Variants in CSNK2A1 observed in about 807,000 individuals in gnomAD.
CSNK2A1 encodes casein kinase 2 alpha 1.
Under a neutral mutation model 62.9 loss-of-function variants are expected in CSNK2A1, and 10 were observed. The ratio of observed to expected loss-of-function variants is 0.16; its 90% CI spans 0.10 to 0.27. CSNK2A1 has a LOEUF of 0.27. Among genes scored for constraint, CSNK2A1 ranks in the 10% least tolerant of loss-of-function variants. CSNK2A1 has a pLI of 1.00. For synonymous variants in CSNK2A1, 124 were observed against 167.8 expected, an observed-to-expected ratio of 0.74 and a Z score of 2.02; for missense variants, 160 against 492.0, an observed-to-expected ratio of 0.33 and a Z score of 6.38.
chr20:516,137 G>A (rs1372526953), intron 2 of CSNK2A1, among the ~76,000 whole-genome samples: 1 of 152,222 alleles, frequency 6.6e-6, no homozygotes, highest in Non-Finnish European at 1.5e-5. Flanking sequence ...CATAATACTA[G>A]TATATCTTAA....
chr20:503,243 C>A, intron 4 of CSNK2A1: 1 of 362,168 alleles, frequency 2.8e-6, no homozygotes. Flanking sequence ...CTTCCAGGCT[C>A]AAGCGATCCT....
At position 541,307 on chromosome 20, in the gene CSNK2A1, A is replaced by C. The variant is rs147453401; in HGVS notation, c.-227+2365T>G. On this transcript the variant is annotated intron_variant, in intron 1 of 13. Coordinates refer to ENST00000217244, the MANE Select transcript of CSNK2A1 (RefSeq NM_177559.3). ...CCAAGTTCCTTTTGCCATGTAACACAGGATAGCTACAGATTCTGGGGATCA... is the reference window on the plus strand; with the variant it reads ...CCAAGTTCCTTTTGCCATGTAACACCGGATAGCTACAGATTCTGGGGATCA... 1.4e-3 allele frequency among the ~76,000 whole-genome samples: 214 copies of C among 152,302 alleles called. 2 individuals carry two copies. Among genetic ancestry groups the C allele is most frequent in the African/African-American group, 5.0e-3 (207 of 41,558 alleles).
chr20:534,075 A>G (rs933063367), intron 1 of CSNK2A1, among the ~76,000 whole-genome samples: 2 of 152,234 alleles, frequency 1.3e-5, no homozygotes, highest in Non-Finnish European at 2.9e-5. Flanking sequence ...TGAATGTAAT[A>G]ACTACTGTTA....
intron 1 of CSNK2A1, among the ~76,000 whole-genome samples, chr20:537,997 T>C (rs2019370936): frequency 6.6e-6 from 1 of 151,260 alleles, no homozygotes; most frequent in African/African-American, 2.4e-5. Flanking sequence ...AGTCTTGCTC[T>C]GTCCCCCAGG....
At chr20:524,317 T>TA (rs2019020392) in intron 2 of CSNK2A1, among the ~76,000 whole-genome samples, 1 of 147,452 alleles carries the variant, frequency 6.8e-6, no homozygotes. Context: ...CAGCTGCTCT[T>TA]AGAGGCTGAG....
chr20:524,404 A>G (rs1235645185), intron 2 of CSNK2A1, among the ~76,000 whole-genome samples: 1 of 149,016 alleles, frequency 6.7e-6, no homozygotes, highest in Admixed American at 6.7e-5. Flanking sequence ...CCTGGGAGAC[A>G]GAGGGAGGCT....
At chr20:517,056 T>G (rs1165603211) in intron 2 of CSNK2A1, among the ~76,000 whole-genome samples, 3 of 152,154 alleles carry the variant, frequency 2.0e-5, no homozygotes, top group Non-Finnish European at 2.9e-5. Context: ...CTGCAGAGAA[T>G]GAACTCTTTT....
At position 478,991 on chromosome 20, in the gene CSNK2A1, T is replaced by C. The variant is rs1454945498; in HGVS notation, c.*4970A>G. The C allele has an allele frequency of 1.3e-5, 2 of 155,972 alleles. No individual in the cohort carries two copies. Among genetic ancestry groups the C allele is most frequent in the East Asian group, 3.8e-4 (2 of 5,214 alleles). The allele number at this position is 155,972 out of a possible 1,614,324, so 9.7% of individuals were successfully genotyped here. On this transcript the variant is annotated 3_prime_UTR_variant, in exon 14 of 14. Coordinates refer to ENST00000217244, the MANE Select transcript of CSNK2A1 (RefSeq NM_177559.3). ...ACAGGGAGACAAATCCAGTTTGTAATTTGCTACAGTGCAAAATATCTGGCT... is the reference window on the plus strand; with the variant it reads ...ACAGGGAGACAAATCCAGTTTGTAACTTGCTACAGTGCAAAATATCTGGCT...
chr20:518,717 T>A (rs76458123), intron 2 of CSNK2A1, among the ~76,000 whole-genome samples: 3 of 135,352 alleles, frequency 2.2e-5, no homozygotes, highest in Non-Finnish European at 3.2e-5. Flanking sequence ...CGGCTAATTT[T>A]TTTTTTTTTT....
At chr20:526,452 T>C (rs1286564744) in intron 2 of CSNK2A1, among the ~76,000 whole-genome samples, 1 of 151,498 alleles carries the variant, frequency 6.6e-6, no homozygotes, top group East Asian at 1.9e-4. Flanking sequence ...CTCAAAAAAA[T>C]TGTTTTTAAT....
intron 6 of CSNK2A1, 198 bp from the exon 7 acceptor site, chr20:497,978 T>G: frequency 1.9e-6 from 1 of 517,930 alleles, no homozygotes; most frequent in Non-Finnish European, 3.5e-6. Flanking sequence ...AAATGAAGAA[T>G]TACTTAAACA....
In CSNK2A1 at chr20:489,943, A is replaced by C. The variant is rs2018181297; in HGVS notation, c.622-62T>G. The C allele has an allele frequency of 2.3e-6, 3 of 1,323,628 alleles. No homozygotes were observed. The Admixed American group carries it at 7.9e-5, about 35-fold the overall frequency. The allele number at this position is 1,323,628 out of a possible 1,614,324, so 82.0% of individuals were successfully genotyped here. ...TCCTCAGGCTTGTCACTTCAAAATA[A>C]AAAATTAATTTTTAAAATTAAAAAA... On this transcript the variant is annotated intron_variant, in intron 9 of 13. Transcript: ENST00000217244.
intron 8 of CSNK2A1, 47 bp from the exon 9 acceptor site, chr20:492,411 C>G: frequency 6.3e-7 from 1 of 1,576,372 alleles, no homozygotes; most frequent in South Asian, 1.1e-5. Context: ...TCTAAGCTAC[C>G]CACACTGTGC....
intron 9 of CSNK2A1, among the ~76,000 whole-genome samples, chr20:490,335 CTTTTTT>C (rs907727482): frequency 8.3e-5 from 7 of 84,804 alleles, no homozygotes; most frequent in South Asian, 4.1e-4. Context: ...CTAGTTTTTT[CTTTTTT>C]TTTTTTTTTT....
chr20:485,100 A>ATAATAATAATAATAAT, intron 13 of CSNK2A1, among the ~76,000 whole-genome samples: 1 of 54,294 alleles, frequency 1.8e-5, no homozygotes, highest in African/African-American at 6.7e-5. Flanking sequence ...AAAAAAAAAA[A>ATAATAATAATAATAAT]AAAAAAAAAA....
chr20:497,320 A>G (rs898854375), intron 7 of CSNK2A1, among the ~76,000 whole-genome samples: 1 of 152,080 alleles, frequency 6.6e-6, no homozygotes, highest in African/African-American at 2.4e-5. Flanking sequence ...GCTAATTTTT[A>G]AATTTTTTGT....
chr20:477,928 A>G lies in CSNK2A1; in HGVS notation c.*6033T>C, dbSNP rs555410684. On this transcript the variant is annotated 3_prime_UTR_variant, in exon 14 of 14. Transcript: ENST00000217244. ...AAACAAAACAAAACAAAAAAACCCC[A>G]GTTACATTCAGGATGAATTCTGCCT... The G allele has an allele frequency of 7.6e-4, 115 of 152,250 alleles. No homozygotes were observed. The highest frequency in any genetic ancestry group is 2.6e-3 in the African/African-American group (110 of 41,538). The allele number at this position is 152,250 out of a possible 1,614,324, so 9.4% of individuals were successfully genotyped here. A position where few individuals can be genotyped will look rare whatever the true frequency, so the allele number is the denominator to read the frequency against.
chr20:532,872 A>C (rs1298709193), intron 1 of CSNK2A1, among the ~76,000 whole-genome samples: 1 of 152,238 alleles, frequency 6.6e-6, no homozygotes, highest in East Asian at 1.9e-4. Flanking sequence ...ACAAAAAAAC[A>C]AAAACAACAA....
chr20:541,743 G>A (rs544745369), intron 1 of CSNK2A1, among the ~76,000 whole-genome samples: 6 of 152,070 alleles, frequency 3.9e-5, no homozygotes, highest in Non-Finnish European at 5.9e-5. Context: ...ACATAACTAG[G>A]CTTTTTTTTA....
Sources: gnomAD v4.1 joint callset for allele counts (sites outside exome capture counted in the v4.1 genomes callset) on GRCh38, gnomAD v4.1.1 for gene constraint, MANE v1.5 for transcripts, NCBI Gene and HGNC (gene_info 2026-07-23, HGNC 2026-07-21) for gene names.